Variants in NUP210 observed in about 807,000 individuals in gnomAD.
NUP210 encodes the protein nuclear pore membrane glycoprotein 210.
In NUP210, 151 loss-of-function variants were observed where a neutral mutation model predicts 196.0. The ratio of observed to expected loss-of-function variants is 0.77; its 90% CI spans 0.67 to 0.88. The LOEUF (loss-of-function observed/expected upper bound fraction) is 0.88. Among genes scored for constraint, NUP210 ranks in the 40% least tolerant of loss-of-function variants. The pLI is 0.00. For missense variants in NUP210, 2,314 were observed against 2,493.7 expected (o/e 0.93, Z 1.53); for synonymous variants, 1,070 against 1,052.7 (o/e 1.02, Z -0.32).
At chr3:13,409,102 C>G (rs1489570771) in intron 1 of NUP210, among the ~76,000 whole-genome samples, 1 of 152,200 alleles carries the variant, frequency 6.6e-6, no homozygotes, top group African/African-American at 2.4e-5. Context: ...TGTCAACAGG[C>G]AAGCAGCTGA....
chr3:13,388,062 A>C (rs1699343738), intron 5 of NUP210, among the ~76,000 whole-genome samples: 1 of 152,184 alleles, frequency 6.6e-6, no homozygotes, highest in African/African-American at 2.4e-5. Context: ...ACTAAGAATG[A>C]GCAAATGCTA....
At chr3:13,376,486 C>T in intron 9 of NUP210, 55 bp from the exon 10 acceptor site, 1 of 1,604,516 alleles carries the variant, frequency 6.2e-7, no homozygotes, top group Non-Finnish European at 8.5e-7. Context: ...TCCAGAAAGT[C>T]AGAATTTGGG....
Position 13,349,474 on chromosome 3 carries a change from G to C in NUP210, c.2835+2405C>G, listed in dbSNP as rs1031208455. 5.2e-4 allele frequency among the ~76,000 whole-genome samples: 79 copies of C among 152,298 alleles called. 1 individual carries two copies. Among genetic ancestry groups the C allele is most frequent in the African/African-American group, 1.8e-3 (73 of 41,566 alleles). Reference sequence around the variant, plus strand: ...GGTGCGGCACCCGTGAGAATACTGGGGCCCGGCTGCCCTTCCCTGGCTCAT... The same window carrying C: ...GGTGCGGCACCCGTGAGAATACTGGCGCCCGGCTGCCCTTCCCTGGCTCAT... On this transcript the variant is annotated intron_variant, in intron 20 of 39. Coordinates refer to ENST00000254508, the MANE Select transcript of NUP210 (RefSeq NM_024923.4).
intron 16 of NUP210, among the ~76,000 whole-genome samples, chr3:13,357,015 A>G (rs929200966): frequency 6.6e-6 from 1 of 152,218 alleles, no homozygotes; most frequent in African/African-American, 2.4e-5. Flanking sequence ...CTGGGGTTGA[A>G]TTGACTGTCC....
In NUP210 at chr3:13,322,245, A is replaced by G. The variant is rs752574073; in HGVS notation, c.4863T>C (p.Asp1621=). 1.9e-6 allele frequency: 3 copies of G among 1,614,090 alleles called. No homozygotes were observed. The African/African-American group carries it at 4.0e-5, about 22-fold the overall frequency. Residue 1621 remains aspartate (D), a synonymous_variant, in exon 35 of 40, where the codon GAT becomes GAC. Transcript: ENST00000254508. ...CQSQFKPAVF[D]FPSQDVFTVE... ...CGGTGAACACATCTTGAGATGGGAA[A>G]TCAAAGACGGCCGGCTTGAACTGGG...
At chr3:13,343,342 G>GGGGGGT in intron 20 of NUP210, 39 bp from the exon 21 acceptor site, 4 of 655,992 alleles carry the variant, frequency 6.1e-6, no homozygotes, top group South Asian at 1.7e-5. Context: ...TGGGTGGTGG[G>GGGGGGT]TTACGCAGCT....
chr3:13,363,695 C>T (rs149589383), intron 14 of NUP210, among the ~76,000 whole-genome samples: 1 of 152,288 alleles, frequency 6.6e-6, no homozygotes, highest in East Asian at 1.9e-4. Context: ...TGTAAATAAA[C>T]CTGATCTTAC....
Position 13,374,010 on chromosome 3 carries a change from A to G in NUP210, c.1432-137T>C, listed in dbSNP as rs117657208. The G allele has an allele frequency of 8.6e-4, 855 of 990,908 alleles. 14 individuals are homozygous for G. In the East Asian group the frequency reaches 0.022, roughly 25 times the overall value. 61.4% of individuals were successfully genotyped at this position (990,908 alleles called of 1,614,324 possible). A position where few individuals can be genotyped will look rare whatever the true frequency, so the allele number is the denominator to read the frequency against. On this transcript the variant is annotated intron_variant, in intron 11 of 39. Coordinates refer to ENST00000254508, the MANE Select transcript of NUP210 (RefSeq NM_024923.4). ...TATCCTCACACTCATGGGTTCACCC[A>G]TGCACACACTCACCATTCACACTCA...
chr3:13,343,674 G>A (rs1697611828), intron 20 of NUP210, among the ~76,000 whole-genome samples: 1 of 152,206 alleles, frequency 6.6e-6, no homozygotes, highest in Non-Finnish European at 1.5e-5. Context: ...CCAACTTGAG[G>A]GCAGAGTGAG....
chr3:13,386,165 G>C (rs1219091343), intron 6 of NUP210, 110 bp downstream of exon 6: 1 of 1,193,724 alleles, frequency 8.4e-7, no homozygotes, highest in African/African-American at 1.5e-5. Flanking sequence ...GATGCTACCT[G>C]ATGGAGCACT....
chr3:13,330,370 G>A, intron 30 of NUP210, 90 bp downstream of exon 30: 2 of 1,243,604 alleles, frequency 1.6e-6, no homozygotes, highest in South Asian at 1.4e-5. Context: ...TTAGCTGGAA[G>A]GTGAACGTAT....
intron 34 of NUP210, among the ~76,000 whole-genome samples, chr3:13,322,614 G>A (rs1005050460): frequency 1.3e-5 from 2 of 152,366 alleles, no homozygotes; most frequent in Non-Finnish European, 2.9e-5. Flanking sequence ...CACGGCAGAC[G>A]GGCTAGGCCC....
At chr3:13,418,997 G>C (rs1700443735) in intron 1 of NUP210, among the ~76,000 whole-genome samples, 1 of 144,188 alleles carries the variant, frequency 6.9e-6, no homozygotes, top group Non-Finnish European at 1.5e-5. Context: ...AGGGCAAATA[G>C]TGCAAGCAAC....
rs527967807 is a variant in NUP210, at chr3:13,343,365, T to C, written c.2836-62A>G. ...GGGTTACGCAGCTGCAGGGCCCCCC[T>C]CTGCTCAGGTTTGTGAGCAGTGCCT... is the stretch of plus-strand genomic sequence containing the variant. On this transcript the variant is annotated intron_variant, in intron 20 of 39. Coordinates refer to ENST00000254508, the MANE Select transcript of NUP210 (RefSeq NM_024923.4). The C allele has an allele frequency of 2.9e-5, 46 of 1,573,882 alleles. No individual in the cohort carries two copies. The African/African-American group carries it at 4.2e-4, about 14-fold the overall frequency.
chr3:13,373,068 A>G (rs985094623), intron 12 of NUP210, among the ~76,000 whole-genome samples: 1 of 152,084 alleles, frequency 6.6e-6, no homozygotes, highest in Non-Finnish European at 1.5e-5. Context: ...CCTGTCCCCA[A>G]TACTGTAAGA....
At chr3:13,366,318 G>T (rs551778739) in intron 13 of NUP210, among the ~76,000 whole-genome samples, 30 of 151,764 alleles carry the variant, frequency 2.0e-4, no homozygotes, top group African/African-American at 7.3e-4. Context: ...TTTTAATAGA[G>T]ACGGGGTTTC....
Position 13,332,315 on chromosome 3 carries a change from A to G in NUP210, c.3913T>C (p.Tyr1305His), listed in dbSNP as rs140191906. The G allele has an allele frequency of 6.8e-5, 110 of 1,613,762 alleles. No individual in the cohort carries two copies. Among genetic ancestry groups the G allele is most frequent in the Non-Finnish European group, 8.7e-5 (103 of 1,179,698 alleles). The change falls in exon 29 of 40, where the codon TAT becomes CAT. Residue 1305 changes from tyrosine (Y) to histidine (H), a missense_variant. By Grantham distance (83) the Tyr-to-His change is moderately conservative (BLOSUM62 2). Coordinates refer to ENST00000254508, the MANE Select transcript of NUP210 (RefSeq NM_024923.4). ...AEQILMSPNS[Y>H]IKLQTNRDGA... ...TACCTGTTTGTCTGCAGCTTTATAT[A>G]TGAGTTGGGCGACATTAATATTTGT...
rs2124873474 is a variant in NUP210 at position 13,348,971 on chromosome 3, T to C, written c.2835+2908A>G. 1.1e-6 allele frequency: 1 copy of C among 926,710 alleles called. No individual in the cohort carries two copies. Among genetic ancestry groups the C allele is most frequent in the Admixed American group, 6.2e-5 (1 of 16,240 alleles). 57.4% of individuals were successfully genotyped at this position (926,710 alleles called of 1,614,324 possible). On this transcript the variant is annotated intron_variant, in intron 20 of 39. Transcript: ENST00000254508. This position sits in a 1 kb window ranked among gnomAD's most constrained non-coding sequence, Gnocchi z 4.0. Reference sequence around the variant, plus strand: ...CTATTTTCTCTTGAAAATCAGAAGCTCTTGCCTCACAGGCCCACACCCCCA... The same window carrying C: ...CTATTTTCTCTTGAAAATCAGAAGCCCTTGCCTCACAGGCCCACACCCCCA...
intron 13 of NUP210, among the ~76,000 whole-genome samples, chr3:13,368,734 T>C (rs954597815): frequency 6.6e-6 from 1 of 152,256 alleles, no homozygotes; most frequent in African/African-American, 2.4e-5. Context: ...TTCAAGGTTC[T>C]TCCATGTTGC....
Sources: allele counts gnomAD v4.1 joint callset (sites outside exome capture counted in the v4.1 genomes callset), GRCh38; gene constraint gnomAD v4.1.1; non-coding constraint Gnocchi (gnomAD v3.1); transcripts MANE v1.5; gene names NCBI Gene and HGNC (gene_info 2026-07-23, HGNC 2026-07-21).